STRN: variants seen among roughly 807,000 people sequenced by gnomAD.
STRN encodes protein phosphatase 2 regulatory subunit B'''alpha.
Under a neutral mutation model 96.3 loss-of-function variants are expected in STRN, and 53 were observed. The ratio of observed to expected loss-of-function variants is 0.55; its 90% CI spans 0.44 to 0.69. The LOEUF (loss-of-function observed/expected upper bound fraction) is 0.69, where lower values mean the gene tolerates loss of function less well. Ranked by LOEUF, STRN falls within the 30% of genes least tolerant of loss-of-function variation. The pLI, the probability that STRN is intolerant of heterozygous loss-of-function variation, is 0.00. For missense variants in STRN, 987 were observed against 963.9 expected, an observed-to-expected ratio of 1.02 and a Z score of -0.32; for synonymous variants, 428 against 355.9, an observed-to-expected ratio of 1.20 and a Z score of -2.28.
intron 12 of STRN, among the ~76,000 whole-genome samples, chr2:36,861,606 C>T (rs1476051897): frequency 6.6e-6 from 1 of 152,070 alleles, no homozygotes; most frequent in African/African-American, 2.4e-5. Flanking sequence ...AAAAGTCTAA[C>T]AGCCTGAGTC....
intron 6 of STRN, among the ~76,000 whole-genome samples, chr2:36,897,200 T>G (rs1053038263): frequency 6.6e-6 from 1 of 152,040 alleles, no homozygotes; most frequent in East Asian, 1.9e-4. Flanking sequence ...TAAAATAACA[T>G]TTTTAAAACT....
At position 36,839,385 on chromosome 2, in the gene STRN, TAAGGA is replaced by T. The variant is rs1667894285; in HGVS notation, c.*10066_*10070del. Among the ~76,000 whole-genome samples, 2 of 152,178 alleles carry T rather than the reference TAAGGA, an allele frequency of 1.3e-5. No individual in the cohort carries two copies. Among genetic ancestry groups the T allele is most frequent in the Admixed American group, 1.3e-4 (2 of 15,270 alleles). ...TGGCATATAGCTGGCACTCAAATAT[TAAGGA>T]AAGTAGTCTTCTGCTACTCTTGATG... On this transcript the variant is annotated 3_prime_UTR_variant, in exon 18 of 18. Transcript: ENST00000263918.
intron 7 of STRN, among the ~76,000 whole-genome samples, chr2:36,889,986 T>A (rs1240548351): frequency 6.6e-6 from 1 of 152,140 alleles, no homozygotes; most frequent in East Asian, 1.9e-4. Context: ...GTAAAGGAAG[T>A]TACACAAGGA....
intron 1 of STRN, among the ~76,000 whole-genome samples, chr2:36,951,077 T>C (rs1296002041): frequency 2.0e-5 from 3 of 152,190 alleles, no homozygotes; most frequent in African/African-American, 7.2e-5. Context: ...TTCAATTAGT[T>C]CTCAATTTAG....
chr2:36,919,091 A>T (rs1558652850), intron 2 of STRN, among the ~76,000 whole-genome samples: 1 of 152,226 alleles, frequency 6.6e-6, no homozygotes, highest in African/African-American at 2.4e-5. Flanking sequence ...CATCTCAATT[A>T]TATCTTAAAT....
In STRN at chr2:36,857,945, C is replaced by T. The variant is rs1421861423; in HGVS notation, c.1748G>A (p.Arg583His). The change falls in exon 14 of 18, where the codon CGT becomes CAT. Residue 583 changes from arginine to histidine, a missense_variant. Transcript: ENST00000263918. ...GCCATCTGCTGAACAGGACAACAAA[C>T]GCTGATGTGCTGCACTATAAGCCAA... Reference protein sequence around the residue: ...WGLAYSAAHQRLLSCSADGTL... With the variant: ...WGLAYSAAHQHLLSCSADGTL... 3.1e-6 allele frequency: 5 copies of T among 1,613,888 alleles called. No homozygotes were observed. Among genetic ancestry groups the T allele is most frequent in the East Asian group, 2.2e-5 (1 of 44,870 alleles).
Position 36,966,394 on chromosome 2 carries a change from G to A in STRN, c.70C>T (p.Leu24Phe), listed in dbSNP as rs947245814. 2.7e-6 allele frequency: 4 copies of A among 1,463,988 alleles called. No homozygotes were observed. The African/African-American group carries it at 4.4e-5, about 16-fold the overall frequency. The allele number at this position is 1,463,988 out of a possible 1,614,324, so 90.7% of individuals were successfully genotyped here. A position where few individuals can be genotyped will look rare whatever the true frequency, so the allele number is the denominator to read the frequency against. ...GCGGCAGCCTCCGCCAGAGGCCCGAGCCCCTTGGCACCGCCGGCGCCCGGG... is the reference window on the plus strand; with the variant it reads ...GCGGCAGCCTCCGCCAGAGGCCCGAACCCCTTGGCACCGCCGGCGCCCGGG... ...NHPGAGGAKG[L>F]GPLAEAAAAG... The change falls in exon 1 of 18, where the codon CTC (leucine) becomes TTC (phenylalanine). Residue 24 changes from leucine to phenylalanine, a missense_variant. Physicochemically the swap from Leu to Phe is conservative, Grantham distance 22. Coordinates refer to ENST00000263918, the MANE Select transcript of STRN (RefSeq NM_003162.4).
intron 1 of STRN, among the ~76,000 whole-genome samples, chr2:36,940,442 G>A (rs1266052160): frequency 2.0e-5 from 3 of 152,120 alleles, no homozygotes; most frequent in African/African-American, 7.2e-5. Flanking sequence ...TATCACAGTT[G>A]AAAATATTAA....
At chr2:36,879,760 G>C (rs1572643321) in intron 9 of STRN, among the ~76,000 whole-genome samples, 1 of 152,172 alleles carries the variant, frequency 6.6e-6, no homozygotes, top group Non-Finnish European at 1.5e-5. Flanking sequence ...CAAGTCAACT[G>C]TATTGACTAG....
intron 3 of STRN, among the ~76,000 whole-genome samples, chr2:36,907,965 A>T (rs929666340): frequency 6.6e-6 from 1 of 152,148 alleles, no homozygotes; most frequent in African/African-American, 2.4e-5. Context: ...TTACTCTGTG[A>T]TAACTTCAAA....
intron 3 of STRN, among the ~76,000 whole-genome samples, chr2:36,913,243 C>T (rs1465678584): frequency 2.6e-5 from 4 of 152,134 alleles, no homozygotes; most frequent in Admixed American, 1.3e-4. Context: ...TATTCCTAAG[C>T]GTGAACTACT....
At position 36,838,772 on chromosome 2, in the gene STRN, A is replaced by T. The variant is rs557512216; in HGVS notation, c.*10684T>A. ...CATGGTGACAAACATATACACAGGA[A>T]TGTTTATTGTAATAATAAAAAGGAA... On this transcript the variant is annotated 3_prime_UTR_variant, in exon 18 of 18. Transcript: ENST00000263918. Among the ~76,000 whole-genome samples the T allele has an allele frequency of 4.5e-4, 68 of 152,332 alleles. No individual in the cohort carries two copies. Among genetic ancestry groups the T allele is most frequent in the African/African-American group, 1.4e-3 (60 of 41,582 alleles).
At chr2:36,918,173 C>A (rs976906897) in intron 2 of STRN, among the ~76,000 whole-genome samples, 1 of 152,046 alleles carries the variant, frequency 6.6e-6, no homozygotes, top group Non-Finnish European at 1.5e-5. Context: ...TATCACTGGA[C>A]GAAATGTTTG....
chr2:36,897,037 C>T lies in STRN; in HGVS notation c.795+2486G>A, dbSNP rs529115894. 3.0e-4 allele frequency among the ~76,000 whole-genome samples: 46 copies of T among 152,038 alleles called. No homozygotes were observed. In the South Asian group the frequency reaches 9.4e-3, roughly 31 times the overall value. ...ACAGCATCAGCCGGGTGTGGTGGTG[C>T]ATGCTTGTAATCCCAGCTACTCGGG... On this transcript the variant is annotated intron_variant, in intron 6 of 17. Coordinates refer to ENST00000263918, the MANE Select transcript of STRN (RefSeq NM_003162.4).
chr2:36,926,279 T>A (rs1348799284), intron 1 of STRN, among the ~76,000 whole-genome samples: 2 of 152,154 alleles, frequency 1.3e-5, no homozygotes, highest in African/African-American at 4.8e-5. Flanking sequence ...CATAAGAAAT[T>A]GAAACTATGT....
chr2:36,899,276 C>T (rs1669621485), intron 6 of STRN, among the ~76,000 whole-genome samples: 1 of 152,136 alleles, frequency 6.6e-6, no homozygotes, highest in Non-Finnish European at 1.5e-5. Context: ...TCATCTGCCC[C>T]ATAGAAAAGT....
chr2:36,879,189 G>A (rs1187852243), intron 9 of STRN, among the ~76,000 whole-genome samples: 1 of 151,904 alleles, frequency 6.6e-6, no homozygotes, highest in Non-Finnish European at 1.5e-5. Context: ...TCCTGCCTCA[G>A]CCTCCCAAGT....
At chr2:36,962,949 T>C (rs1479014466) in intron 1 of STRN, among the ~76,000 whole-genome samples, 1 of 152,262 alleles carries the variant, frequency 6.6e-6, no homozygotes, top group African/African-American at 2.4e-5. Context: ...CAGAAATTTT[T>C]CTCAAATATT....
chr2:36,876,176 G>A (rs1385026470), intron 10 of STRN, among the ~76,000 whole-genome samples: 5 of 149,932 alleles, frequency 3.3e-5, no homozygotes, highest in Non-Finnish European at 7.4e-5. Flanking sequence ...AGGCTGAGAT[G>A]GGAGGATCAT....
Sources: gnomAD v4.1 joint callset for allele counts (sites outside exome capture counted in the v4.1 genomes callset) on GRCh38, gnomAD v4.1.1 for gene constraint, MANE v1.5 for transcripts, NCBI Gene and HGNC (gene_info 2026-07-23, HGNC 2026-07-21) for gene names.